The following MYO1E variants were observed in gnomAD, a reference collection of about 807,000 sequenced individuals.
The protein encoded by MYO1E is unconventional myosin-Ie.
In MYO1E, 68 loss-of-function variants were observed where a neutral mutation model predicts 151.1. The ratio of observed to expected loss-of-function variants is 0.45; its 90% CI spans 0.37 to 0.55. The LOEUF is 0.55. MYO1E is among the 20% of genes least tolerant of loss of function. The pLI, the probability that MYO1E is intolerant of heterozygous loss-of-function variation, is 0.00. For synonymous variants in MYO1E, 601 were observed against 501.7 expected (o/e 1.20, Z -2.64); for missense variants, 1,363 against 1,389.3 (o/e 0.98, Z 0.30).
chr15:59,285,903 T>C (rs543101186), intron 1 of MYO1E, among the ~76,000 whole-genome samples: 1 of 152,340 alleles, frequency 6.6e-6, no homozygotes, highest in South Asian at 2.1e-4. Context: ...CCTACCAGAC[T>C]CTGTGTCCTA....
At chr15:59,240,525 T>C (rs1396831475) in intron 4 of MYO1E, among the ~76,000 whole-genome samples, 2 of 152,244 alleles carry the variant, frequency 1.3e-5, no homozygotes, top group African/African-American at 4.8e-5. Context: ...GAAAGGTTAT[T>C]CCTCACTTAA....
intron 22 of MYO1E, chr15:59,171,349 T>TA: frequency 1.8e-5 from 3 of 165,682 alleles, no homozygotes; most frequent in Non-Finnish European, 4.0e-5. Flanking sequence ...GCAAGGGCCC[T>TA]TCCTGAGGCC....
chr15:59,151,091 G>A (rs1008009619), intron 26 of MYO1E, among the ~76,000 whole-genome samples: 1 of 151,770 alleles, frequency 6.6e-6, no homozygotes, highest in Non-Finnish European at 1.5e-5. Flanking sequence ...GTCTACATAA[G>A]GGCGGCATCC....
At chr15:59,160,372 TG>T (rs1292773237) in intron 24 of MYO1E, among the ~76,000 whole-genome samples, 3 of 150,300 alleles carry the variant, frequency 2.0e-5, no homozygotes, top group African/African-American at 5.0e-5. Context: ...TGTGTGTGTG[TG>T]TGTGTGTATG....
chr15:59,313,769 A>C (rs34215092), intron 1 of MYO1E, among the ~76,000 whole-genome samples: 2 of 152,150 alleles, frequency 1.3e-5, no homozygotes, highest in Non-Finnish European at 2.9e-5. Context: ...AATAGAAGGA[A>C]TCAAAGTGAA....
At chr15:59,319,137 C>T (rs2080608340) in intron 1 of MYO1E, among the ~76,000 whole-genome samples, 1 of 151,910 alleles carries the variant, frequency 6.6e-6, no homozygotes, top group African/African-American at 2.4e-5. Flanking sequence ...ATGGTGAAAC[C>T]CCATCTTTAC....
intron 5 of MYO1E, among the ~76,000 whole-genome samples, chr15:59,231,998 G>A (rs1384828405): frequency 1.3e-5 from 2 of 152,138 alleles, no homozygotes; most frequent in African/African-American, 2.4e-5. Context: ...CAATTCCCAT[G>A]GCTTGATGCA....
At chr15:59,215,259 T>C (rs1292571607) in intron 10 of MYO1E, among the ~76,000 whole-genome samples, 2 of 152,208 alleles carry the variant, frequency 1.3e-5, no homozygotes, top group Non-Finnish European at 2.9e-5. Flanking sequence ...TAGAAGCAGC[T>C]TACGTCTATT....
At chr15:59,200,349 T>C (rs1399797772) in intron 16 of MYO1E, among the ~76,000 whole-genome samples, 1 of 152,216 alleles carries the variant, frequency 6.6e-6, no homozygotes, top group East Asian at 1.9e-4. Context: ...CAGACATTAA[T>C]ATCTGGGCCT....
intron 1 of MYO1E, among the ~76,000 whole-genome samples, chr15:59,357,571 C>T (rs1033651861): frequency 8.1e-5 from 12 of 147,840 alleles, no homozygotes; most frequent in Admixed American, 1.4e-4. Flanking sequence ...ATTACAGGTG[C>T]CTACCACCAC....
In MYO1E at chr15:59,209,717, G is replaced by T. The variant is rs576818047; in HGVS notation, c.1362+797C>A. On this transcript the variant is annotated intron_variant, in intron 13 of 27. Coordinates refer to ENST00000288235, the MANE Select transcript of MYO1E (RefSeq NM_004998.4). ...ATGTAAATAAATAAATAAATAAGTT[G>T]TCTACGGATGTTTTTACTGTTTCCA... Among the ~76,000 whole-genome samples, 5 of 147,396 alleles carry T rather than the reference G, an allele frequency of 3.4e-5. No individual in the cohort carries two copies. The East Asian group carries it at 1.0e-3, about 29-fold the overall frequency.
At chr15:59,206,454 A>G (rs1250353659) in intron 14 of MYO1E, among the ~76,000 whole-genome samples, 1 of 152,178 alleles carries the variant, frequency 6.6e-6, no homozygotes. Flanking sequence ...CTCCAGCGCC[A>G]TAGACCAGAA....
At chr15:59,188,056 T>A in intron 18 of MYO1E, 62 bp downstream of exon 18, 1 of 1,262,818 alleles carries the variant, frequency 7.9e-7, no homozygotes, top group Admixed American at 1.7e-5. Context: ...GTGAATTGTA[T>A]AGATTTGAAT....
intron 21 of MYO1E, among the ~76,000 whole-genome samples, chr15:59,172,733 A>C (rs1233733851): frequency 6.6e-6 from 1 of 152,202 alleles, no homozygotes; most frequent in Non-Finnish European, 1.5e-5. Flanking sequence ...GGGAGTTCAT[A>C]AAATTTTCAT....
At chr15:59,191,367 A>AGAGAGAGAGAGAGG (rs2079733263) in intron 17 of MYO1E, among the ~76,000 whole-genome samples, 2 of 143,116 alleles carry the variant, frequency 1.4e-5, no homozygotes, top group Non-Finnish European at 3.1e-5. Context: ...AGAGAGAGAG[A>AGAGAGAGAGAGAGG]GAAAGAAATG....
At chr15:59,355,076 G>A (rs2080846024) in intron 1 of MYO1E, among the ~76,000 whole-genome samples, 1 of 152,144 alleles carries the variant, frequency 6.6e-6, no homozygotes, top group Non-Finnish European at 1.5e-5. Context: ...AGTTGAATTG[G>A]AGGGTTTTCA....
chr15:59,305,653 A>G lies in MYO1E; in HGVS notation c.4-33204T>C, dbSNP rs72746875. Among the ~76,000 whole-genome samples, 168 of 152,276 alleles carry G rather than the reference A, an allele frequency of 1.1e-3. 1 individual carries two copies. Among genetic ancestry groups the G allele is most frequent in the Admixed American group, 4.6e-3 (70 of 15,300 alleles). On this transcript the variant is annotated intron_variant, in intron 1 of 27. Transcript: ENST00000288235. ...CTCTATTCAGATTTCCTCCCATCTGAACAACTGGCTCATGGACAGACAGAG... is the reference window on the plus strand; with the variant it reads ...CTCTATTCAGATTTCCTCCCATCTGGACAACTGGCTCATGGACAGACAGAG...
At chr15:59,297,329 T>A (rs976483659) in intron 1 of MYO1E, among the ~76,000 whole-genome samples, 9 of 151,214 alleles carry the variant, frequency 6.0e-5, no homozygotes, top group Admixed American at 1.3e-4. Context: ...TGGAATGCAG[T>A]GGCACGATTT....
chr15:59,286,340 G>A (rs1395549541), intron 1 of MYO1E, among the ~76,000 whole-genome samples: 2 of 152,158 alleles, frequency 1.3e-5, no homozygotes, highest in African/African-American at 4.8e-5. Context: ...TTCTCAGATT[G>A]CCCTATTTTT....
Sources: allele counts gnomAD v4.1 joint callset (sites outside exome capture counted in the v4.1 genomes callset), GRCh38; gene constraint gnomAD v4.1.1; transcripts MANE v1.5; gene names NCBI Gene and HGNC (gene_info 2026-07-23, HGNC 2026-07-21).